Variants in SNX30 observed in about 807,000 individuals in gnomAD.
The protein encoded by SNX30 is sorting nexin family member 30.
Under a neutral mutation model 46.4 loss-of-function variants are expected in SNX30, and 24 were observed. The ratio of observed to expected loss-of-function variants is 0.52; its 90% confidence interval spans 0.37 to 0.73. SNX30 has a LOEUF of 0.73. Among genes scored for constraint, SNX30 ranks in the 30% least tolerant of loss-of-function variants. The probability of loss-of-function intolerance (pLI) is 0.00; values close to 1 mark genes in which losing one functional copy is unlikely to be tolerated. For synonymous variants in SNX30, 189 were observed against 211.5 expected, an observed-to-expected ratio of 0.89 and a Z score of 0.92; for missense variants, 533 against 555.7, an observed-to-expected ratio of 0.96 and a Z score of 0.41.
intron 6 of SNX30, among the ~76,000 whole-genome samples, chr9:112,841,456 A>G (rs1020458801): frequency 6.6e-6 from 1 of 152,220 alleles, no homozygotes; most frequent in Non-Finnish European, 1.5e-5. Context: ...AAATCAGGTC[A>G]ATCAGGCTGA....
At chr9:112,770,944 C>T (rs1347656934) in intron 1 of SNX30, among the ~76,000 whole-genome samples, 1 of 152,138 alleles carries the variant, frequency 6.6e-6, no homozygotes, top group Non-Finnish European at 1.5e-5. Context: ...TGCAGTGAGC[C>T]GAGATCGGGC....
At chr9:112,776,450 T>C (rs1488959556) in intron 1 of SNX30, among the ~76,000 whole-genome samples, 1 of 152,240 alleles carries the variant, frequency 6.6e-6, no homozygotes, top group Non-Finnish European at 1.5e-5. Context: ...ATCTAGATGA[T>C]GATCTTGGCC....
rs1203831141 is a variant in SNX30, at chr9:112,869,585, T to A, written c.*742T>A. ...CACTAGAATGCAACAGATTGGAAAC[T>A]TTTTGTGTAAAATGAAAAAAACAAA... On this transcript the variant is annotated 3_prime_UTR_variant, in exon 9 of 9. Transcript: ENST00000374232. 6.6e-6 allele frequency: 1 copy of A among 151,720 alleles called. No individual in the cohort carries two copies. The highest frequency in any genetic ancestry group is 2.4e-5 in the African/African-American group (1 of 41,382). The allele number at this position is 151,720 out of a possible 1,614,324, so 9.4% of individuals were successfully genotyped here.
At chr9:112,850,734 C>T (rs1361234453) in intron 6 of SNX30, 125 bp from the exon 7 acceptor site, 3 of 644,664 alleles carry the variant, frequency 4.7e-6, no homozygotes, top group Non-Finnish European at 8.3e-6. Context: ...GTCCTAGGAG[C>T]ACATGGCTGG....
At chr9:112,772,483 C>T (rs1209018956) in intron 1 of SNX30, among the ~76,000 whole-genome samples, 1 of 152,148 alleles carries the variant, frequency 6.6e-6, no homozygotes, top group Non-Finnish European at 1.5e-5. Context: ...TGTGGATTGA[C>T]AGGTGTGGGG....
At chr9:112,795,159 A>G (rs2131393133) in intron 1 of SNX30, among the ~76,000 whole-genome samples, 1 of 152,290 alleles carries the variant, frequency 6.6e-6, no homozygotes, top group East Asian at 1.9e-4. Flanking sequence ...AATACTTACA[A>G]GCACGTGTGT....
intron 7 of SNX30, among the ~76,000 whole-genome samples, chr9:112,851,709 T>A (rs1841030788): frequency 6.6e-6 from 1 of 152,202 alleles, no homozygotes; most frequent in Non-Finnish European, 1.5e-5. Flanking sequence ...GTTATTCAAA[T>A]CATTCTCCCT....
chr9:112,804,909 A>C lies in SNX30; in HGVS notation c.290A>C (p.Asp97Ala). Residue 97 changes from aspartate (D) to alanine (A), a missense_variant, in exon 2 of 9, where the codon GAT becomes GCT. Asp to Ala is a moderately radical substitution (Grantham distance 126). Coordinates refer to ENST00000374232, the MANE Select transcript of SNX30 (RefSeq NM_001012994.2). ...ETRDLFVIVD[D>A]PKKHVCTMET... ...AGAGATCTCTTCGTTATAGTTGATG[A>C]TCCCAAGAAGCATGTGTGTACAATG... 2.5e-6 allele frequency: 4 copies of C among 1,613,784 alleles called. No individual in the cohort carries two copies. Among genetic ancestry groups the C allele is most frequent in the Non-Finnish European group, 3.4e-6 (4 of 1,179,814 alleles).
intron 1 of SNX30, among the ~76,000 whole-genome samples, chr9:112,753,504 T>C (rs1212390486): frequency 6.6e-6 from 1 of 152,202 alleles, no homozygotes; most frequent in Non-Finnish European, 1.5e-5. Context: ...GTGTCTCAGC[T>C]CCCGTATAGC....
At chr9:112,803,909 T>C (rs1482335116) in intron 1 of SNX30, among the ~76,000 whole-genome samples, 1 of 115,898 alleles carries the variant, frequency 8.6e-6, no homozygotes, top group African/African-American at 3.3e-5. Context: ...TCCAGGTGCA[T>C]CCGTCACCCC....
At chr9:112,879,611 A>C, downstream of SNX30, 1 of 648,658 alleles carries the variant, frequency 1.5e-6, no homozygotes, top group Non-Finnish European at 2.7e-6. Context: ...GGGATCCCTG[A>C]GCCAGAGCAG....
chr9:112,810,706 G>A (rs781379313), intron 2 of SNX30, among the ~76,000 whole-genome samples: 10 of 152,226 alleles, frequency 6.6e-5, no homozygotes, highest in East Asian at 1.9e-4. Flanking sequence ...CCTGGATCTC[G>A]AGGGCACTTA....
In SNX30 at chr9:112,817,830, A is replaced by G. The variant is rs759763667; in HGVS notation, c.459+15A>G. 6.5e-7 allele frequency: 1 copy of G among 1,534,256 alleles called. No homozygotes were observed. ...ATCTCATTCCCGTAGGTAGTAAGTCACTACAGCTTGTTTCTCACTTGTCCT... is the reference window on the plus strand; with the variant it reads ...ATCTCATTCCCGTAGGTAGTAAGTCGCTACAGCTTGTTTCTCACTTGTCCT... On this transcript the variant is annotated intron_variant, in intron 3 of 8. Coordinates refer to ENST00000374232, the MANE Select transcript of SNX30 (RefSeq NM_001012994.2).
At chr9:112,837,951 A>G (rs1233666301) in intron 5 of SNX30, among the ~76,000 whole-genome samples, 2 of 119,260 alleles carry the variant, frequency 1.7e-5, no homozygotes, top group African/African-American at 3.4e-5. Context: ...AGTGCAGTGG[A>G]GTGATCTTGG....
chr9:112,838,961 G>C (rs959712921), intron 6 of SNX30, among the ~76,000 whole-genome samples: 2 of 152,124 alleles, frequency 1.3e-5, no homozygotes, highest in Non-Finnish European at 2.9e-5. Context: ...TATGAAATAA[G>C]AACAAAGATG....
At position 112,755,257 on chromosome 9, in the gene SNX30, G is replaced by A. The variant is rs543883225; in HGVS notation, c.156+4100G>A. ...TGATATTTGAGCAGACTGGAAGGAGGTGAGGGAGTTAGTGGGTGAGTATCT... is the reference window on the plus strand; with the variant it reads ...TGATATTTGAGCAGACTGGAAGGAGATGAGGGAGTTAGTGGGTGAGTATCT... On this transcript the variant is annotated intron_variant, in intron 1 of 8. Transcript: ENST00000374232. 2.6e-5 allele frequency among the ~76,000 whole-genome samples: 4 copies of A among 152,346 alleles called. No individual in the cohort carries two copies. In the South Asian group the frequency reaches 8.3e-4, roughly 32 times the overall value.
chr9:112,835,347 C>A (rs1175898785), intron 4 of SNX30, among the ~76,000 whole-genome samples: 1 of 152,064 alleles, frequency 6.6e-6, no homozygotes, highest in Non-Finnish European at 1.5e-5. Context: ...TCTTTTTTGC[C>A]CAGGCTGGAG....
intron 3 of SNX30, among the ~76,000 whole-genome samples, chr9:112,819,649 T>C (rs575816701): frequency 2.5e-4 from 38 of 152,302 alleles, no homozygotes; most frequent in African/African-American, 7.9e-4. Flanking sequence ...CTCTTCTTGG[T>C]TGTAACAGTT....
In SNX30 at chr9:112,871,695, G is replaced by T. The variant is rs559240114; in HGVS notation, c.*2852G>T. 2.0e-5 allele frequency: 3 copies of T among 152,256 alleles called. No individual in the cohort carries two copies. The highest frequency in any genetic ancestry group is 7.2e-5 in the African/African-American group (3 of 41,546). The allele number at this position is 152,256 out of a possible 1,614,324, so 9.4% of individuals were successfully genotyped here. Reference sequence around the variant, plus strand: ...AAAGTGGGAGATTTCATTCGCCCGGGTTAAAAATCCAGAGGAAGACAGAAG... The same window carrying T: ...AAAGTGGGAGATTTCATTCGCCCGGTTTAAAAATCCAGAGGAAGACAGAAG... On this transcript the variant is annotated 3_prime_UTR_variant, in exon 9 of 9. Coordinates refer to ENST00000374232, the MANE Select transcript of SNX30 (RefSeq NM_001012994.2).
Sources: allele counts gnomAD v4.1 joint callset (sites outside exome capture counted in the v4.1 genomes callset), GRCh38; gene constraint gnomAD v4.1.1; transcripts MANE v1.5; gene names NCBI Gene and HGNC (gene_info 2026-07-23, HGNC 2026-07-21).